Variants in RBFOX1 observed in about 807,000 individuals in gnomAD.
The protein encoded by RBFOX1 is RNA binding protein fox-1 homolog 1.
Under a neutral mutation model 57.7 loss-of-function variants are expected in RBFOX1, and 8 were observed. The observed-to-expected ratio is 0.14, with a 90% CI of 0.08 to 0.25. The LOEUF (loss-of-function observed/expected upper bound fraction) is 0.25, where lower values mean the gene tolerates loss of function less well. Ranked by LOEUF, RBFOX1 falls within the 10% of genes least tolerant of loss-of-function variation. RBFOX1 has a pLI of 1.00. For synonymous variants in RBFOX1, 326 were observed against 222.4 expected (o/e 1.47, Z -4.15); for missense variants, 611 against 548.5 (o/e 1.11, Z -1.14).
chr16:7,498,776 A>G (rs935185169), intron 4 of RBFOX1, among the ~76,000 whole-genome samples: 5 of 152,132 alleles, frequency 3.3e-5, no homozygotes, highest in African/African-American at 7.2e-5. Flanking sequence ...TGAAACTACA[A>G]TGCTTAAGCT....
chr16:5,501,038 A>C (rs1022436671), intron 2 of RBFOX1, among the ~76,000 whole-genome samples: 3 of 152,114 alleles, frequency 2.0e-5, no homozygotes, highest in African/African-American at 7.2e-5. Context: ...AAACACGGCC[A>C]GGCGCGGTGT....
At chr16:5,308,607 A>G (rs991813039) in intron 1 of RBFOX1, among the ~76,000 whole-genome samples, 6 of 152,198 alleles carry the variant, frequency 3.9e-5, no homozygotes, top group African/African-American at 1.4e-4. Context: ...ATATTTAGTA[A>G]AATAATAAAT....
intron 2 of RBFOX1, among the ~76,000 whole-genome samples, chr16:6,518,259 CAAACAT>C (rs1189824366): frequency 1.3e-5 from 2 of 152,052 alleles, no homozygotes. Flanking sequence ...ATTTAAGAAA[CAAACAT>C]TAGTTAAGAA....
intron 4 of RBFOX1, among the ~76,000 whole-genome samples, chr16:5,874,388 C>T (rs1245155270): frequency 6.6e-6 from 1 of 152,166 alleles, no homozygotes; most frequent in Non-Finnish European, 1.5e-5. Flanking sequence ...TGGTGGGGCA[C>T]AGTCGGGGAT....
chr16:7,161,388 T>G (rs2078292174), intron 4 of RBFOX1, among the ~76,000 whole-genome samples: 1 of 152,220 alleles, frequency 6.6e-6, no homozygotes, highest in African/African-American at 2.4e-5. Flanking sequence ...ATATATTTGC[T>G]AAATACACAT....
intron 1 of RBFOX1, among the ~76,000 whole-genome samples, chr16:6,191,923 T>C (rs2097144400): frequency 6.6e-6 from 1 of 152,194 alleles, no homozygotes; most frequent in Non-Finnish European, 1.5e-5. Context: ...GCTGACATAG[T>C]AACCAAGGGG....
At chr16:6,651,468 C>G (rs1324091998) in intron 2 of RBFOX1, among the ~76,000 whole-genome samples, 2 of 152,186 alleles carry the variant, frequency 1.3e-5, no homozygotes, top group African/African-American at 2.4e-5. Context: ...TTTCTCCCTA[C>G]TTAAATTTGT....
chr16:6,970,318 T>C (rs1052270145), intron 3 of RBFOX1, among the ~76,000 whole-genome samples: 17 of 152,192 alleles, frequency 1.1e-4, no homozygotes, highest in African/African-American at 3.9e-4. Flanking sequence ...TTCTGTCCTT[T>C]CATTTTCTCA....
chr16:7,528,092 T>G (rs2079102433), intron 5 of RBFOX1, among the ~76,000 whole-genome samples: 1 of 152,350 alleles, frequency 6.6e-6, no homozygotes, highest in African/African-American at 2.4e-5. Flanking sequence ...AGGAAATGAC[T>G]GAAGTTTTGT....
At chr16:5,413,900 G>A (rs1044405797) in intron 1 of RBFOX1, among the ~76,000 whole-genome samples, 20 of 152,098 alleles carry the variant, frequency 1.3e-4, no homozygotes, top group African/African-American at 4.3e-4. Flanking sequence ...CCATTCCTGC[G>A]TCCATGTTCC....
intron 3 of RBFOX1, among the ~76,000 whole-genome samples, chr16:7,040,066 G>A (rs918339155): frequency 2.0e-5 from 3 of 151,808 alleles, no homozygotes; most frequent in Non-Finnish European, 4.4e-5. Flanking sequence ...CTGTCACCAG[G>A]TTGGAGTGCA....
At chr16:7,385,614 C>T (rs893966340) in intron 4 of RBFOX1, among the ~76,000 whole-genome samples, 29 of 152,120 alleles carry the variant, frequency 1.9e-4, no homozygotes, top group African/African-American at 6.8e-4. Context: ...TGGTGGTCAT[C>T]TCATTTGGGC....
At chr16:6,506,004 T>C (rs2096078019) in intron 2 of RBFOX1, among the ~76,000 whole-genome samples, 1 of 152,160 alleles carries the variant, frequency 6.6e-6, no homozygotes, top group Non-Finnish European at 1.5e-5. Context: ...CTCTAATTAC[T>C]ATCTGAGCTA....
chr16:6,371,257 T>A (rs1489550491), intron 2 of RBFOX1, among the ~76,000 whole-genome samples: 1 of 152,204 alleles, frequency 6.6e-6, no homozygotes, highest in Non-Finnish European at 1.5e-5. Context: ...TTACCATTCA[T>A]TGATGATTCT....
intron 2 of RBFOX1, among the ~76,000 whole-genome samples, chr16:6,578,801 AT>A (rs1204571623): frequency 1.1e-4 from 16 of 152,138 alleles, no homozygotes; most frequent in South Asian, 4.2e-4. Flanking sequence ...TATAATATAG[AT>A]TTTTTTAAGT....
Position 7,504,748 on chromosome 16 carries a change from TATATATTTA to T in RBFOX1, c.28-13398_28-13390del, listed in dbSNP as rs1567554300. 1.6e-3 allele frequency among the ~76,000 whole-genome samples: 21 copies of T among 13,418 alleles called. 1 individual carries two copies. The highest frequency in any genetic ancestry group is 2.5e-3 in the African/African-American group (12 of 4,718). The allele number at this position is 13,418 out of a possible 152,430, so 8.8% of individuals were successfully genotyped here. A position where few individuals can be genotyped will look rare whatever the true frequency, so the allele number is the denominator to read the frequency against. On this transcript the variant is annotated intron_variant, in intron 4 of 15. Coordinates refer to ENST00000550418, the MANE Select transcript of RBFOX1 (RefSeq NM_018723.4). ...ATATATATATATATATATATATATA[TATATATTTA>T]TATATATATATATTTATATATATAT...
At chr16:7,682,088 G>A (rs1300632358) in intron 14 of RBFOX1, among the ~76,000 whole-genome samples, 1 of 152,110 alleles carries the variant, frequency 6.6e-6, no homozygotes, top group East Asian at 1.9e-4. Context: ...CTGGGAAATA[G>A]GCTGTATCTA....
intron 1 of RBFOX1, among the ~76,000 whole-genome samples, chr16:5,241,321 T>G (rs1282724411): frequency 6.6e-6 from 1 of 152,144 alleles, no homozygotes; most frequent in Non-Finnish European, 1.5e-5. Context: ...GGAGGACAGT[T>G]CTCTGGTAGG....
At chr16:6,282,370 T>G (rs1243504843) in intron 1 of RBFOX1, among the ~76,000 whole-genome samples, 5 of 151,518 alleles carry the variant, frequency 3.3e-5, no homozygotes, top group African/African-American at 1.2e-4. Flanking sequence ...TTTTTTTTTT[T>G]TTTTTTTAAT....
Sources: allele counts gnomAD v4.1 joint callset (sites outside exome capture counted in the v4.1 genomes callset), GRCh38; gene constraint gnomAD v4.1.1; transcripts MANE v1.5; gene names NCBI Gene and HGNC (gene_info 2026-07-23, HGNC 2026-07-21).